Variants in ADAMTSL1 observed in about 807,000 individuals in gnomAD.
The protein encoded by ADAMTSL1 is ADAMTS like 1, also known as ADAMTS-like protein 1.
ADAMTSL1 carries 126 observed loss-of-function variants against 201.8 expected under a neutral mutation model. The observed-to-expected ratio is 0.62, with a 90% CI of 0.54 to 0.72. ADAMTSL1 has a LOEUF of 0.72. Among genes scored for constraint, ADAMTSL1 ranks in the 30% least tolerant of loss-of-function variants. ADAMTSL1 has a pLI of 0.00. For synonymous variants in ADAMTSL1, 1,121 were observed against 903.4 expected (o/e 1.24, Z -4.32); for missense variants, 2,679 against 2,277.8 (o/e 1.18, Z -3.59).
Position 18,685,035 on chromosome 9 carries a change from C to T in ADAMTSL1, c.1574+235C>T, listed in dbSNP as rs541815326. ...TAAGAAAATGAAGGTGTAGTGCTTA[C>T]CCTCTTCTCCAAAATCTGACCTCCT... On this transcript the variant is annotated intron_variant, in intron 13 of 28. Transcript: ENST00000380548. 9.9e-5 allele frequency: 116 copies of T among 1,174,892 alleles called. 2 individuals carry two copies. The African/African-American group carries it at 1.7e-3, about 17-fold the overall frequency. The allele number at this position is 1,174,892 out of a possible 1,614,324, so 72.8% of individuals were successfully genotyped here.
intron 1 of ADAMTSL1, among the ~76,000 whole-genome samples, chr9:18,153,375 C>T (rs1019651242): frequency 6.6e-6 from 1 of 152,026 alleles, no homozygotes; most frequent in Non-Finnish European, 1.5e-5. Flanking sequence ...ACTTCTAAGC[C>T]TCTAATTCTA....
At chr9:18,883,990 C>A (rs1828700594) in intron 23 of ADAMTSL1, among the ~76,000 whole-genome samples, 2 of 152,156 alleles carry the variant, frequency 1.3e-5, no homozygotes, top group African/African-American at 2.4e-5. Context: ...GAGGGGCCAC[C>A]ATACTGTTTT....
chr9:18,074,528 TC>T (rs1823119030), intron 1 of ADAMTSL1, among the ~76,000 whole-genome samples: 1 of 147,768 alleles, frequency 6.8e-6, no homozygotes, highest in Non-Finnish European at 1.5e-5. Context: ...TCTTTTCTTT[TC>T]TTTTCTTCTC....
At chr9:18,561,418 T>G (rs1821489138) in intron 3 of ADAMTSL1, among the ~76,000 whole-genome samples, 1 of 152,228 alleles carries the variant, frequency 6.6e-6, no homozygotes, top group Non-Finnish European at 1.5e-5. Flanking sequence ...TCTGTTCTTT[T>G]GCATTTGCTG....
At position 18,622,190 on chromosome 9, in the gene ADAMTSL1, A is replaced by AT. The variant is rs1276277904; in HGVS notation, c.475-49dup. On this transcript the variant is annotated intron_variant, in intron 4 of 28. Coordinates refer to ENST00000380548, the MANE Select transcript of ADAMTSL1 (RefSeq NM_001040272.6). ...TTCATGGTGATTGGCCTCATAATGG[A>AT]TTTTGCCATCGGTAGGTGCTTGGTT... 5 of 1,592,642 alleles carry AT rather than the reference A, an allele frequency of 3.1e-6. No homozygotes were observed. In the East Asian group the frequency reaches 9.0e-5, roughly 29 times the overall value.
chr9:18,109,699 C>T (rs527634761), intron 1 of ADAMTSL1, among the ~76,000 whole-genome samples: 1 of 152,194 alleles, frequency 6.6e-6, no homozygotes, highest in East Asian at 1.9e-4. Context: ...ACCCCCTTTA[C>T]CAAAATCTTG....
chr9:18,809,424 G>C (rs939029549), intron 20 of ADAMTSL1, among the ~76,000 whole-genome samples: 3 of 152,168 alleles, frequency 2.0e-5, no homozygotes, highest in African/African-American at 7.2e-5. Context: ...GTGATTGATG[G>C]GGAGTGTGGG....
chr9:18,750,361 T>C (rs964438548), intron 15 of ADAMTSL1, among the ~76,000 whole-genome samples: 7 of 152,230 alleles, frequency 4.6e-5, no homozygotes, highest in African/African-American at 1.7e-4. Context: ...TTTGAGCTTA[T>C]GATATAAATC....
chr9:18,385,630 G>A (rs1361900499), intron 2 of ADAMTSL1, among the ~76,000 whole-genome samples: 1 of 152,136 alleles, frequency 6.6e-6, no homozygotes, highest in Admixed American at 6.6e-5. Flanking sequence ...TTTTAGTAAT[G>A]TTAGCTGTAA....
intron 2 of ADAMTSL1, among the ~76,000 whole-genome samples, chr9:18,308,567 C>A (rs1242817244): frequency 6.6e-6 from 1 of 152,084 alleles, no homozygotes; most frequent in Non-Finnish European, 1.5e-5. Context: ...CACCTCTATG[C>A]AAATAAACTG....
At chr9:18,895,805 C>A (rs1829598055) in intron 26 of ADAMTSL1, among the ~76,000 whole-genome samples, 3 of 152,042 alleles carry the variant, frequency 2.0e-5, no homozygotes, top group African/African-American at 7.2e-5. Context: ...TTCAAATGCC[C>A]AATTTTCAGC....
intron 23 of ADAMTSL1, among the ~76,000 whole-genome samples, chr9:18,831,979 T>G (rs1358858331): frequency 2.0e-5 from 3 of 152,180 alleles, no homozygotes; most frequent in Non-Finnish European, 4.4e-5. Flanking sequence ...AAATGGGCAC[T>G]CAAGGTGAGG....
intron 13 of ADAMTSL1, among the ~76,000 whole-genome samples, chr9:18,704,570 G>A (rs955548567): frequency 6.6e-6 from 1 of 152,168 alleles, no homozygotes; most frequent in Non-Finnish European, 1.5e-5. Flanking sequence ...ATTTTCCTTT[G>A]TGTCTGCATC....
At chr9:18,608,052 T>A (rs1216296678) in intron 4 of ADAMTSL1, among the ~76,000 whole-genome samples, 1 of 152,308 alleles carries the variant, frequency 6.6e-6, no homozygotes, top group East Asian at 1.9e-4. Flanking sequence ...TGCAACGTGA[T>A]GCAATATAGC....
intron 1 of ADAMTSL1, among the ~76,000 whole-genome samples, chr9:18,154,677 A>G (rs570888284): frequency 6.6e-6 from 1 of 152,232 alleles, no homozygotes; most frequent in South Asian, 2.1e-4. Flanking sequence ...CGAGGAATAC[A>G]TGGACTGAAT....
intron 23 of ADAMTSL1, among the ~76,000 whole-genome samples, chr9:18,874,128 G>T (rs1026048042): frequency 3.9e-5 from 6 of 151,996 alleles, no homozygotes; most frequent in Non-Finnish European, 8.8e-5. Context: ...CTACTGATTT[G>T]TATACATTAA....
At chr9:18,491,272 C>T (rs998695079) in intron 1 of ADAMTSL1, among the ~76,000 whole-genome samples, 4 of 152,182 alleles carry the variant, frequency 2.6e-5, no homozygotes, top group East Asian at 1.9e-4. Context: ...GGCCAAGATC[C>T]ATTTTAATAT....
intron 2 of ADAMTSL1, among the ~76,000 whole-genome samples, chr9:18,296,336 A>G (rs1466528497): frequency 6.6e-6 from 1 of 152,212 alleles, no homozygotes; most frequent in East Asian, 1.9e-4. Context: ...TAAAATAAAA[A>G]AATTTGGATA....
chr9:18,428,500 G>A (rs914991030), intron 2 of ADAMTSL1, among the ~76,000 whole-genome samples: 7 of 151,854 alleles, frequency 4.6e-5, no homozygotes, highest in Admixed American at 1.3e-4. Context: ...GGCACCTGTG[G>A]GCCCAGCTAC....
Sources: allele counts gnomAD v4.1 joint callset (sites outside exome capture counted in the v4.1 genomes callset), GRCh38; gene constraint gnomAD v4.1.1; transcripts MANE v1.5; gene names NCBI Gene and HGNC (gene_info 2026-07-23, HGNC 2026-07-21).